MAST4: variants seen among roughly 807,000 people sequenced by gnomAD.
The protein encoded by MAST4 is microtubule associated serine/threonine kinase family member 4, also known as microtubule-associated serine/threonine-protein kinase 4.
MAST4 carries 89 observed loss-of-function variants against 162.7 expected under a neutral mutation model. The ratio of observed to expected loss-of-function variants is 0.55; its 90% confidence interval spans 0.46 to 0.65. The LOEUF is 0.65. Among genes scored for constraint, MAST4 ranks in the 30% least tolerant of loss-of-function variants. The pLI, the probability that MAST4 is intolerant of heterozygous loss-of-function variation, is 0.00. For synonymous variants in MAST4, 1,479 were observed against 1,361.1 expected (o/e 1.09, Z -1.91); for missense variants, 3,153 against 3,374.0 (o/e 0.93, Z 1.62).
At chr5:66,597,177 G>T (rs114285609) in intron 1 of MAST4, among the ~76,000 whole-genome samples, 159 bp downstream of exon 1, 1 of 152,216 alleles carries the variant, frequency 6.6e-6, no homozygotes, top group African/African-American at 2.4e-5. Context: ...ATAGTTAGGA[G>T]CCCCCCTGTG....
chr5:67,035,290 T>C (rs1755871671), intron 4 of MAST4, among the ~76,000 whole-genome samples: 1 of 152,148 alleles, frequency 6.6e-6, no homozygotes, highest in South Asian at 2.1e-4. Flanking sequence ...ATTAGCAAAC[T>C]GTACAGTCAG....
chr5:67,098,607 G>T (rs1279482516), intron 7 of MAST4, among the ~76,000 whole-genome samples: 1 of 152,116 alleles, frequency 6.6e-6, no homozygotes, highest in Non-Finnish European at 1.5e-5. Context: ...TTGCAAAATG[G>T]TTACCTGGAG....
intron 5 of MAST4, 55 bp from the exon 6 acceptor site, chr5:67,090,107 G>A (rs1366977099): frequency 8.5e-7 from 1 of 1,183,118 alleles, no homozygotes; most frequent in East Asian, 2.4e-5. Flanking sequence ...AATTATTGAT[G>A]TGGAAATGAT....
Position 67,164,166 on chromosome 5 carries a change from G to C in MAST4, c.4987G>C (p.Gly1663Arg). 1 of 1,610,288 alleles carries C rather than the reference G, an allele frequency of 6.2e-7. No homozygotes were observed. Among genetic ancestry groups the C allele is most frequent in the Non-Finnish European group, 8.5e-7 (1 of 1,178,274 alleles). The change falls in exon 29 of 29, where the codon GGC (glycine) becomes CGC (arginine). Residue 1663 changes from glycine (G) to arginine (R), a missense_variant. Transcript: ENST00000403625. The surrounding 1 kb of genome is among the most constrained non-coding windows in gnomAD (Gnocchi z 5.3). ...CAGGGGCATCTCTGGGAAGGGGGAA[G>C]GCACGGAGAAGTCCTCCCAGGCCAA... ...LDRGISGKGE[G>R]TEKSSQAKEL...
intron 1 of MAST4, among the ~76,000 whole-genome samples, chr5:66,733,090 A>T (rs1419879769): frequency 1.3e-5 from 2 of 152,122 alleles, no homozygotes; most frequent in African/African-American, 4.8e-5. Flanking sequence ...CCAAGGCCAC[A>T]TTCTCCAGAG....
chr5:67,049,020 T>TATAC (rs1561576121), intron 4 of MAST4, among the ~76,000 whole-genome samples: 14 of 102,886 alleles, frequency 1.4e-4, no homozygotes, highest in African/African-American at 4.1e-4. Flanking sequence ...TATATATATA[T>TATAC]ACGTATATAT....
rs1313613708 is a variant in MAST4 at position 66,597,165 on chromosome 5, C to A, written c.363+147C>A. The A allele has an allele frequency of 1.3e-5, 14 of 1,106,922 alleles. No homozygotes were observed. In the African/African-American group the frequency reaches 2.1e-4, roughly 17 times the overall value. The allele number at this position is 1,106,922 out of a possible 1,614,324, so 68.6% of individuals were successfully genotyped here. On this transcript the variant is annotated intron_variant, in intron 1 of 28. Transcript: ENST00000403625. The stretch of plus-strand genomic sequence containing the variant: ...GCGCTCTGCCCCGAGCACGGGACAA[C>A]GATAGTTAGGAGCCCCCCTGTGGGT...
chr5:67,136,523 T>C, intron 18 of MAST4, 40 bp from the exon 19 acceptor site: 2 of 1,484,928 alleles, frequency 1.3e-6, no homozygotes, highest in Non-Finnish European at 9.2e-7. Context: ...TGGACCCTCT[T>C]GTGAACAATA....
chr5:67,142,072 T>C, intron 19 of MAST4, 43 bp from the exon 20 acceptor site: 2 of 1,587,030 alleles, frequency 1.3e-6, no homozygotes, highest in Non-Finnish European at 8.6e-7. Flanking sequence ...TTAGTGGGGA[T>C]AGTTTAACAC....
At chr5:67,090,954 C>G (rs1020393089) in intron 6 of MAST4, among the ~76,000 whole-genome samples, 2 of 151,946 alleles carry the variant, frequency 1.3e-5, no homozygotes, top group Non-Finnish European at 2.9e-5. Context: ...GCTTGTCCTC[C>G]TCTGCCCAGG....
chr5:66,801,567 G>A (rs529640954), intron 3 of MAST4, among the ~76,000 whole-genome samples: 122 of 152,316 alleles, frequency 8.0e-4, no homozygotes, highest in African/African-American at 2.6e-3. Context: ...TTTTAGACCC[G>A]TGGAATAAAC....
Position 66,730,644 on chromosome 5 carries a change from G to A in MAST4, c.364-29065G>A, listed in dbSNP as rs1580314435. ...CATTTTCCTCAAATTAATCTGTTAA[G>A]ATCAGGATAGCTTAAATTACAAACA... On this transcript the variant is annotated intron_variant, in intron 1 of 28. Coordinates refer to ENST00000403625, the MANE Select transcript of MAST4 (RefSeq NM_001164664.2). 3.3e-5 allele frequency among the ~76,000 whole-genome samples: 5 copies of A among 152,304 alleles called. No homozygotes were observed. In the South Asian group the frequency reaches 1.0e-3, roughly 32 times the overall value.
intron 19 of MAST4, among the ~76,000 whole-genome samples, chr5:67,141,101 C>A (rs1770349947): frequency 6.6e-6 from 1 of 152,112 alleles, no homozygotes; most frequent in Non-Finnish European, 1.5e-5. Flanking sequence ...GATTCACAGC[C>A]CATTTTGCAT....
At chr5:66,994,150 C>T (rs186538183) in intron 4 of MAST4, among the ~76,000 whole-genome samples, 124 of 152,078 alleles carry the variant, frequency 8.2e-4, no homozygotes, top group African/African-American at 2.6e-3. Context: ...GGAACGGTAC[C>T]GCATTAATCT....
chr5:67,117,841 T>C (rs539544102), intron 12 of MAST4, among the ~76,000 whole-genome samples: 227 of 152,316 alleles, frequency 1.5e-3, no homozygotes, highest in Non-Finnish European at 2.2e-3. Context: ...CCTTCCAATG[T>C]GAATTGATCA....
chr5:66,754,440 A>G (rs1561308275), intron 1 of MAST4, among the ~76,000 whole-genome samples: 1 of 152,270 alleles, frequency 6.6e-6, no homozygotes, highest in Non-Finnish European at 1.5e-5. Context: ...TTTTCAAAAT[A>G]CTAGAGACTC....
At chr5:66,729,154 T>C (rs953918850) in intron 1 of MAST4, among the ~76,000 whole-genome samples, 1 of 152,196 alleles carries the variant, frequency 6.6e-6, no homozygotes, top group African/African-American at 2.4e-5. Context: ...AGTGTGTGTG[T>C]TTTATGTCAG....
At chr5:67,002,280 C>A (rs559132880) in intron 4 of MAST4, among the ~76,000 whole-genome samples, 1 of 152,158 alleles carries the variant, frequency 6.6e-6, no homozygotes, top group African/African-American at 2.4e-5. Context: ...ATTCAGTATT[C>A]TTTGAGAATA....
At chr5:67,040,509 C>G (rs1443131856) in intron 4 of MAST4, among the ~76,000 whole-genome samples, 1 of 152,184 alleles carries the variant, frequency 6.6e-6, no homozygotes, top group East Asian at 1.9e-4. Flanking sequence ...ACAAGTGTAT[C>G]CTGGGATAAA....
Sources: allele counts gnomAD v4.1 joint callset (sites outside exome capture counted in the v4.1 genomes callset), GRCh38; gene constraint gnomAD v4.1.1; non-coding constraint Gnocchi (gnomAD v3.1); transcripts MANE v1.5; gene names NCBI Gene and HGNC (gene_info 2026-07-23, HGNC 2026-07-21).